GSE1: variants seen among roughly 807,000 people sequenced by gnomAD.
GSE1 encodes genetic suppressor element 1.
Under a neutral mutation model 112.6 loss-of-function variants are expected in GSE1, and 32 were observed. The observed-to-expected ratio is 0.28, with a 90% CI of 0.21 to 0.38. The LOEUF is 0.38. Ranked by LOEUF, GSE1 falls within the 10% of genes least tolerant of loss-of-function variation. The pLI, the probability that GSE1 is intolerant of heterozygous loss-of-function variation, is 1.00. For synonymous variants in GSE1, 1,115 were observed against 735.6 expected (o/e 1.52, Z -8.35); for missense variants, 2,348 against 1,699.2 (o/e 1.38, Z -6.71).
chr16:85,315,329 G>A (rs2045964462), intron 1 of GSE1, among the ~76,000 whole-genome samples: 1 of 152,196 alleles, frequency 6.6e-6, no homozygotes, highest in South Asian at 2.1e-4. Flanking sequence ...ACGCACATCA[G>A]ATTGAAGGAC....
At chr16:85,254,476 C>T (rs576006642) in intron 1 of GSE1, among the ~76,000 whole-genome samples, 3 of 151,130 alleles carry the variant, frequency 2.0e-5, no homozygotes, top group African/African-American at 7.4e-5. Flanking sequence ...TTTAGCATGA[C>T]CCCCCCACTC....
At chr16:85,602,422 T>C (rs1425891168) in intron 1 of GSE1, among the ~76,000 whole-genome samples, 2 of 152,312 alleles carry the variant, frequency 1.3e-5, no homozygotes, top group African/African-American at 4.8e-5. Context: ...GGGAGGCTTC[T>C]TGGGGGCTAA....
At chr16:85,272,750 G>A (rs2144193121) in intron 1 of GSE1, among the ~76,000 whole-genome samples, 1 of 150,630 alleles carries the variant, frequency 6.6e-6, no homozygotes, top group South Asian at 2.1e-4. Context: ...TTGCTTGCTT[G>A]CTTGCTTGCT....
intron 1 of GSE1, among the ~76,000 whole-genome samples, chr16:85,204,017 G>C (rs192997142): frequency 6.6e-6 from 1 of 152,078 alleles, no homozygotes; most frequent in South Asian, 2.1e-4. Flanking sequence ...TTTCTGCCTC[G>C]CCTCGGCCTC....
chr16:85,512,027 G>C (rs538063858), intron 2 of GSE1, among the ~76,000 whole-genome samples: 3 of 152,318 alleles, frequency 2.0e-5, no homozygotes, highest in African/African-American at 7.2e-5. Context: ...AGTGGAGGGA[G>C]GTGCATCGCA....
chr16:85,417,022 T>G (rs1440314456), intron 2 of GSE1, among the ~76,000 whole-genome samples: 1 of 152,106 alleles, frequency 6.6e-6, no homozygotes, highest in Non-Finnish European at 1.5e-5. Context: ...GCCCGGCTAA[T>G]TTTTTTGTAT....
At chr16:85,221,469 A>T (rs2075392191) in intron 1 of GSE1, among the ~76,000 whole-genome samples, 2 of 152,212 alleles carry the variant, frequency 1.3e-5, no homozygotes, top group East Asian at 3.9e-4. Context: ...ACACAGACGC[A>T]CACAGACACA....
At chr16:85,321,000 T>G (rs1446797644) in intron 1 of GSE1, among the ~76,000 whole-genome samples, 1 of 152,192 alleles carries the variant, frequency 6.6e-6, no homozygotes, top group Non-Finnish European at 1.5e-5. Context: ...TAGCGTGGCT[T>G]AGTTTCCTCT....
intron 2 of GSE1, among the ~76,000 whole-genome samples, chr16:85,637,987 C>CT (rs1240439377): frequency 2.0e-5 from 3 of 152,192 alleles, no homozygotes; most frequent in African/African-American, 7.2e-5. Flanking sequence ...GGTGGCAGAG[C>CT]TGGCGCACCC....
chr16:85,523,273 TGA>T (rs2052252426), intron 2 of GSE1, among the ~76,000 whole-genome samples: 1 of 147,702 alleles, frequency 6.8e-6, no homozygotes, highest in Non-Finnish European at 1.5e-5. Context: ...CCTGTGTGTG[TGA>T]GACCTCTGTG....
chr16:85,501,470 T>C (rs938186311), intron 2 of GSE1, among the ~76,000 whole-genome samples: 1 of 149,908 alleles, frequency 6.7e-6, no homozygotes, highest in Non-Finnish European at 1.5e-5. Flanking sequence ...CATAGCTCAC[T>C]GCAGCTTCAA....
At chr16:85,614,832 G>A (rs1294643299) in intron 1 of GSE1, among the ~76,000 whole-genome samples, 1 of 152,208 alleles carries the variant, frequency 6.6e-6, no homozygotes, top group Admixed American at 6.5e-5. Context: ...AACAAAAAGC[G>A]GGGCCACCAA....
At chr16:85,613,204 C>T (rs537449292), upstream of GSE1, 2 of 1,445,966 alleles carry the variant, frequency 1.4e-6, no homozygotes, top group African/African-American at 1.5e-5. Flanking sequence ...GGCGGCGTTG[C>T]GTTTGGGTGT....
At chr16:85,362,531 G>A (rs549240613) in intron 2 of GSE1, among the ~76,000 whole-genome samples, 9 of 152,278 alleles carry the variant, frequency 5.9e-5, no homozygotes, top group African/African-American at 1.4e-4. Flanking sequence ...ACCTTCCCTG[G>A]GCTCAGCTGC....
chr16:85,461,562 G>A (rs1329513418), intron 2 of GSE1, among the ~76,000 whole-genome samples: 3 of 152,270 alleles, frequency 2.0e-5, no homozygotes, highest in East Asian at 1.9e-4. Flanking sequence ...AATCTGTTGC[G>A]AGGGGTTCGA....
intron 1 of GSE1, among the ~76,000 whole-genome samples, chr16:85,214,224 C>T (rs1262252432): frequency 6.6e-6 from 1 of 152,052 alleles, no homozygotes; most frequent in African/African-American, 2.4e-5. Context: ...TCGGGGAAGC[C>T]GACTATGCTG....
intron 1 of GSE1, among the ~76,000 whole-genome samples, chr16:85,229,281 C>G (rs1266875662): frequency 6.6e-6 from 1 of 152,230 alleles, no homozygotes; most frequent in Non-Finnish European, 1.5e-5. Flanking sequence ...CAGCGGCAGG[C>G]CGGAGCCAGC....
intron 2 of GSE1, among the ~76,000 whole-genome samples, chr16:85,541,802 G>C (rs550351326): frequency 6.6e-6 from 1 of 152,212 alleles, no homozygotes; most frequent in Admixed American, 6.5e-5. Context: ...CAGGGGCCAC[G>C]TCCCTGCCTC....
intron 1 of GSE1, among the ~76,000 whole-genome samples, chr16:85,227,734 G>A (rs1485680658): frequency 1.3e-5 from 2 of 152,218 alleles, no homozygotes; most frequent in Non-Finnish European, 2.9e-5. Flanking sequence ...AGGCTCTGGA[G>A]CACCCACCAT....
Sources: allele counts gnomAD v4.1 joint callset (sites outside exome capture counted in the v4.1 genomes callset), GRCh38; gene constraint gnomAD v4.1.1; transcripts MANE v1.5; gene names NCBI Gene and HGNC (gene_info 2026-07-23, HGNC 2026-07-21).